The following COL1A2 variants were observed in gnomAD, a reference collection of about 807,000 sequenced individuals.
COL1A2 encodes the protein collagen type I alpha 2 chain.
Under a neutral mutation model 174.3 loss-of-function variants are expected in COL1A2, and 49 were observed. That is an observed-to-expected ratio of 0.28 (90% CI 0.22 to 0.36). The LOEUF (loss-of-function observed/expected upper bound fraction) is 0.36. Among genes scored for constraint, COL1A2 ranks in the 10% least tolerant of loss-of-function variants. The probability of loss-of-function intolerance (pLI) is 1.00; values close to 1 mark genes in which losing one functional copy is unlikely to be tolerated. For synonymous variants in COL1A2, 655 were observed against 606.6 expected, an observed-to-expected ratio of 1.08 and a Z score of -1.17; for missense variants, 1,438 against 1,822.7, an observed-to-expected ratio of 0.79 and a Z score of 3.84.
At position 94,422,940 on chromosome 7, in the gene COL1A2, T is replaced by C. The variant is rs1223498548; in HGVS notation, c.2404-17T>C. ...GTGATTAACAGAAAGGAAATGACCTTGTACATTTGCTCATAGGGTATTTCT... is the reference window on the plus strand; with the variant it reads ...GTGATTAACAGAAAGGAAATGACCTCGTACATTTGCTCATAGGGTATTTCT... On this transcript the variant is annotated splice_polypyrimidine_tract_variant and intron_variant, in intron 39 of 51. Coordinates refer to ENST00000297268, the MANE Select transcript of COL1A2 (RefSeq NM_000089.4). 6.2e-7 allele frequency: 1 copy of C among 1,614,098 alleles called. No individual in the cohort carries two copies. Among genetic ancestry groups the C allele is most frequent in the Admixed American group, 1.7e-5 (1 of 60,022 alleles).
Position 94,408,356 on chromosome 7 carries a change from A to C in COL1A2, c.714A>C (p.Gly238=), listed in dbSNP as rs915540566. 1 of 1,614,054 alleles carries C rather than the reference A, an allele frequency of 6.2e-7. No homozygotes were observed. Among genetic ancestry groups the C allele is most frequent in the Middle Eastern group, 1.6e-4 (1 of 6,062 alleles). Residue 238 remains glycine, a synonymous_variant, in exon 15 of 52, where the codon GGA becomes GGC. Transcript: ENST00000297268. ...PGPAGARGSD[G]SVGPVGPAGP... ...CTTAGGGTGCCCGTGGCAGTGATGG[A>C]AGTGTGGGTCCCGTGGGTCCTGCTG...
intron 1 of COL1A2, among the ~76,000 whole-genome samples, chr7:94,397,500 A>C (rs1407971052): frequency 6.6e-6 from 1 of 152,146 alleles, no homozygotes; most frequent in African/African-American, 2.4e-5. Flanking sequence ...TAAAATAGTA[A>C]ATAATTAATA....
At chr7:94,417,996 C>T (rs139075530) in intron 32 of COL1A2, among the ~76,000 whole-genome samples, 165 bp downstream of exon 32, 1 of 152,210 alleles carries the variant, frequency 6.6e-6, no homozygotes. Context: ...TCTAAACTCA[C>T]TAATCTGGCA....
At chr7:94,422,286 T>C (rs543315240) in intron 39 of COL1A2, among the ~76,000 whole-genome samples, 1 of 152,104 alleles carries the variant, frequency 6.6e-6, no homozygotes, top group South Asian at 2.1e-4. Flanking sequence ...TCTGCCTCCA[T>C]TGTTAAGGTA....
At chr7:94,398,315 T>A in intron 2 of COL1A2, 67 bp from the exon 3 acceptor site, 1 of 535,300 alleles carries the variant, frequency 1.9e-6, no homozygotes, top group Non-Finnish European at 3.0e-6. Flanking sequence ...TACACCAAAA[T>A]GGAAGCTGTT....
At position 94,417,812 on chromosome 7, in the gene COL1A2, C is replaced by T. The variant is rs1173116350; in HGVS notation, c.1952C>T (p.Pro651Leu). ...GGAGAGAGGGGTGCTGCTGGCATAC[C>T]TGGAGGCAAGGGAGAAAAGGTACGT... ...LPGERGAAGI[P>L]GGKGEKGEPG... Residue 651 changes from proline to leucine, a missense_variant, in exon 32 of 52, where the codon CCT (proline) becomes CTT (leucine). Coordinates refer to ENST00000297268, the MANE Select transcript of COL1A2 (RefSeq NM_000089.4). 2 of 1,601,428 alleles carry T rather than the reference C, an allele frequency of 1.2e-6. No individual in the cohort carries two copies. The highest frequency in any genetic ancestry group is 1.3e-5 in the African/African-American group (1 of 74,772).
In COL1A2 at chr7:94,408,232, C is replaced by T; in HGVS notation, c.689C>T (p.Pro230Leu). 6.2e-7 allele frequency: 1 copy of T among 1,614,110 alleles called. No homozygotes were observed. ...GERGRVGAPG[P>L]AGARGSDGSV... is the part of the protein sequence containing the mutation. ...AGAGGACGTGTTGGTGCCCCTGGCC[C>T]AGCTGTAAGTGCTTCCATTTTTGTT... Residue 230 changes from proline (P) to leucine (L), a missense_variant, in exon 14 of 52, where the codon CCA becomes CTA. This residue lies in a region of COL1A2 where 281 missense variants were observed against 310.9 expected (regional missense o/e 0.90). Transcript: ENST00000297268.
Position 94,420,394 on chromosome 7 carries a change from G to A in COL1A2, c.2137G>A (p.Glu713Lys). 1 of 1,614,214 alleles carries A rather than the reference G, an allele frequency of 6.2e-7. No homozygotes were observed. The highest frequency in any genetic ancestry group is 1.7e-5 in the Admixed American group (1 of 60,030). Residue 713 changes from glutamate (E) to lysine (K), a missense_variant, in exon 36 of 52, where the codon GAA becomes AAA. By Grantham distance (56) the Glu-to-Lys change is moderately conservative (BLOSUM62 1). This residue lies in a region of COL1A2 where 867 missense variants were observed against 1,213.7 expected (regional missense o/e 0.71). Coordinates refer to ENST00000297268, the MANE Select transcript of COL1A2 (RefSeq NM_000089.4). Reference sequence around the variant, plus strand: ...TTAAATCCCTTCTCCCACCTAGGGTGAACGTGGTGAGGTCGGTCCTGCTGG... The same window carrying A: ...TTAAATCCCTTCTCCCACCTAGGGTAAACGTGGTGAGGTCGGTCCTGCTGG... ...GPAGPRGSPG[E>K]RGEVGPAGPN...
Position 94,425,140 on chromosome 7 carries a change from T to G in COL1A2, c.2697T>G (p.Ile899Met). 6.2e-7 allele frequency: 1 copy of G among 1,614,108 alleles called. No individual in the cohort carries two copies. Among genetic ancestry groups the G allele is most frequent in the Non-Finnish European group, 8.5e-7 (1 of 1,179,970 alleles). Residue 899 changes from isoleucine to methionine, a missense_variant, in exon 42 of 52, where the codon ATT becomes ATG. Ile to Met is a conservative substitution (Grantham distance 10, BLOSUM62 1). This residue lies in a region of COL1A2 where 867 missense variants were observed against 1,213.7 expected (regional missense o/e 0.71). Coordinates refer to ENST00000297268, the MANE Select transcript of COL1A2 (RefSeq NM_000089.4). ...AGGGTGAACCTGGTCCTCTTGGCAT[T>G]GCCGGCCCTCCTGGGGCCCGTGGTC... is the stretch of plus-strand genomic sequence containing the variant. ...GAVGEPGPLG[I>M]AGPPGARGPP...
chr7:94,400,658 G>T (rs1045393489), intron 5 of COL1A2, among the ~76,000 whole-genome samples: 1 of 152,102 alleles, frequency 6.6e-6, no homozygotes, highest in Middle Eastern at 3.2e-3. Context: ...AACATCCTAC[G>T]CTTTTTATTC....
At chr7:94,418,272 G>T (rs1792082734) in intron 32 of COL1A2, among the ~76,000 whole-genome samples, 1 of 152,114 alleles carries the variant, frequency 6.6e-6, no homozygotes, top group Non-Finnish European at 1.5e-5. Flanking sequence ...ACGGAAATTA[G>T]AAAAGATTGT....
rs761529493 is a variant in COL1A2 at position 94,412,654 on chromosome 7, T to C, written c.1475T>C (p.Ile492Thr). The stretch of plus-strand genomic sequence containing the variant: ...GGAGCAAGAGGAGAGCCTGGCAACA[T>C]TGGATTCCCTGGACCCAAAGGCCCC... The part of the protein sequence containing the change: ...PAGARGEPGN[I>T]GFPGPKGPTG... Residue 492 changes from isoleucine to threonine, a missense_variant, in exon 25 of 52, where the codon ATT becomes ACT. By Grantham distance (89) the Ile-to-Thr change is moderately conservative. Around this residue, in one of 3 missense-constraint regions of COL1A2, gnomAD observed 867 missense variants for 1,213.7 expected, o/e 0.71. Coordinates refer to ENST00000297268, the MANE Select transcript of COL1A2 (RefSeq NM_000089.4). The C allele has an allele frequency of 1.7e-5, 27 of 1,613,994 alleles. No homozygotes were observed. In the South Asian group the frequency reaches 2.5e-4, roughly 15 times the overall value.
chr7:94,404,062 A>T (rs1791745263), intron 6 of COL1A2, among the ~76,000 whole-genome samples: 1 of 152,164 alleles, frequency 6.6e-6, no homozygotes, highest in Non-Finnish European at 1.5e-5. Context: ...AGGAGCGATA[A>T]GGTTATAACA....
intron 11 of COL1A2, 79 bp from the exon 12 acceptor site, chr7:94,406,171 G>A: frequency 6.9e-7 from 1 of 1,449,302 alleles, no homozygotes; most frequent in South Asian, 1.2e-5. Context: ...AGAGATTAAT[G>A]GCAAAGATAT....
chr7:94,418,650 T>C lies in COL1A2; in HGVS notation c.2025+98T>C, dbSNP rs376866326. 1.2e-4 allele frequency: 112 copies of C among 925,842 alleles called. No homozygotes were observed. In the East Asian group the frequency reaches 2.4e-3, roughly 20 times the overall value. 57.4% of individuals were successfully genotyped at this position (925,842 alleles called of 1,614,324 possible). ...AAATTAGAACTACACACACTTTATT[T>C]ATCAAGTTTAATAAAATAATATTCC... On this transcript the variant is annotated intron_variant, in intron 33 of 51. Transcript: ENST00000297268.
rs1792224784 is a variant in COL1A2 at position 94,424,066 on chromosome 7, C to T, written c.2566-270C>T. 19 of 416,328 alleles carry T rather than the reference C, an allele frequency of 4.6e-5. No homozygotes were observed. The Admixed American group carries it at 6.5e-4, about 14-fold the overall frequency. 25.8% of individuals were successfully genotyped at this position (416,328 alleles called of 1,614,324 possible). A position where few individuals can be genotyped will look rare whatever the true frequency, so the allele number is the denominator to read the frequency against. Reference sequence around the variant, plus strand: ...CCTAGAGGCTATAAAAACTCTATTTCACCACCCCAAGTGTCTTTATAAATC... The same window carrying T: ...CCTAGAGGCTATAAAAACTCTATTTTACCACCCCAAGTGTCTTTATAAATC... On this transcript the variant is annotated intron_variant, in intron 40 of 51. Transcript: ENST00000297268.
Position 94,425,112 on chromosome 7 carries a change from T to C in COL1A2, c.2674-5T>C, listed in dbSNP as rs536354866. On this transcript the variant is annotated splice_polypyrimidine_tract_variant and splice_region_variant and intron_variant, in intron 41 of 51. Coordinates refer to ENST00000297268, the MANE Select transcript of COL1A2 (RefSeq NM_000089.4). ...AATGTCATTTTATCTTCTCTGCCTG[T>C]TTAGGGTGAACCTGGTCCTCTTGGC... 6.2e-6 allele frequency: 10 copies of C among 1,613,574 alleles called. No individual in the cohort carries two copies. Among genetic ancestry groups the C allele is most frequent in the Middle Eastern group, 3.3e-4 (2 of 6,054 alleles).
intron 34 of COL1A2, 32 bp downstream of exon 34, chr7:94,419,583 A>G: frequency 1.2e-6 from 2 of 1,613,694 alleles, no homozygotes; most frequent in South Asian, 1.1e-5. Context: ...GCCAACAGCA[A>G]TATCTAAAAT....
chr7:94,425,018 C>T (rs1584329301), intron 41 of COL1A2, 99 bp from the exon 42 acceptor site: 4 of 999,394 alleles, frequency 4.0e-6, no homozygotes, highest in Non-Finnish European at 6.3e-6. Context: ...TTACCTTCTT[C>T]CTTCAAACTA....
Sources: allele counts gnomAD v4.1 joint callset (sites outside exome capture counted in the v4.1 genomes callset), GRCh38; gene constraint gnomAD v4.1.1; regional missense constraint gnomAD v4.1.1; transcripts MANE v1.5; gene names NCBI Gene and HGNC (gene_info 2026-07-23, HGNC 2026-07-21).